CSMD1: variants seen among roughly 807,000 people sequenced by gnomAD.
CSMD1 encodes the protein CUB and sushi domain-containing protein 1.
CSMD1 carries 213 observed loss-of-function variants against 417.5 expected under a neutral mutation model. The ratio of observed to expected loss-of-function variants is 0.51; its 90% CI spans 0.46 to 0.57. The LOEUF is 0.57. Among genes scored for constraint, CSMD1 ranks in the 20% least tolerant of loss-of-function variants. CSMD1 has a pLI of 0.00. For missense variants in CSMD1, 6,923 were observed against 4,529.7 expected, an observed-to-expected ratio of 1.53 and a Z score of -15.17; for synonymous variants, 2,862 against 1,736.8, an observed-to-expected ratio of 1.65 and a Z score of -16.11.
At position 4,037,933 on chromosome 8, in the gene CSMD1, T is replaced by G. The variant is rs537324501; in HGVS notation, c.416-5834A>C. Among the ~76,000 whole-genome samples the G allele has an allele frequency of 4.6e-5, 7 of 152,258 alleles. No homozygotes were observed. The East Asian group carries it at 1.2e-3, about 25-fold the overall frequency. On this transcript the variant is annotated intron_variant, in intron 3 of 69. Transcript: ENST00000635120. ...TTAGTGGGAATAGGAAAAAAAGTTT[T>G]TCAAAATTCAGTTGGACAAAATGTT...
At chr8:4,849,985 C>T (rs1331333282) in intron 1 of CSMD1, among the ~76,000 whole-genome samples, 1 of 152,138 alleles carries the variant, frequency 6.6e-6, no homozygotes, top group Non-Finnish European at 1.5e-5. Context: ...TTTTTCCATT[C>T]CCACCAGCAG....
rs117280699 is a variant in CSMD1 at position 4,243,406 on chromosome 8, C to G, written c.415+176547G>C. ...TGACTTGGAGAGAATGACTCATCCTCTACTGACCACTTTGCTCCTTGTTCC... is the reference window on the plus strand; with the variant it reads ...TGACTTGGAGAGAATGACTCATCCTGTACTGACCACTTTGCTCCTTGTTCC... On this transcript the variant is annotated intron_variant, in intron 3 of 69. Coordinates refer to ENST00000635120, the MANE Select transcript of CSMD1 (RefSeq NM_033225.6). 4.3e-4 allele frequency among the ~76,000 whole-genome samples: 65 copies of G among 152,280 alleles called. No homozygotes were observed. The East Asian group carries it at 0.011, about 27-fold the overall frequency.
rs141733365 is a variant in CSMD1 at position 4,461,720 on chromosome 8, T to A, written c.303-41655A>T. ...CAAACACCACCATAGCCAGCTCATCTTATTTATTATTTATTTACTTATTTT... is the reference window on the plus strand; with the variant it reads ...CAAACACCACCATAGCCAGCTCATCATATTTATTATTTATTTACTTATTTT... On this transcript the variant is annotated intron_variant, in intron 2 of 69. Transcript: ENST00000635120. Among the ~76,000 whole-genome samples the A allele has an allele frequency of 4.9e-5, 7 of 142,610 alleles. No homozygotes were observed. The East Asian group carries it at 1.5e-3, about 31-fold the overall frequency. The allele number at this position is 142,610 out of a possible 152,430, so 93.6% of individuals were successfully genotyped here. A position where few individuals can be genotyped will look rare whatever the true frequency, so the allele number is the denominator to read the frequency against.
At chr8:4,330,743 A>G (rs1350356490) in intron 3 of CSMD1, among the ~76,000 whole-genome samples, 1 of 152,076 alleles carries the variant, frequency 6.6e-6, no homozygotes. Context: ...ACTTATCTGC[A>G]TTCCTGTCTT....
chr8:2,970,278 T>C (rs1224298324), intron 57 of CSMD1, among the ~76,000 whole-genome samples: 2 of 152,194 alleles, frequency 1.3e-5, no homozygotes, highest in Non-Finnish European at 2.9e-5. Context: ...GTTATAATTT[T>C]GTTCATCTTT....
intron 10 of CSMD1, among the ~76,000 whole-genome samples, chr8:3,539,881 A>T (rs909854372): frequency 1.6e-4 from 25 of 152,234 alleles, no homozygotes; most frequent in African/African-American, 4.6e-4. Context: ...ACGAACTTAG[A>T]AAACGGCTTC....
chr8:4,844,621 T>C (rs901779798), intron 1 of CSMD1, among the ~76,000 whole-genome samples: 1 of 152,164 alleles, frequency 6.6e-6, no homozygotes, highest in African/African-American at 2.4e-5. Flanking sequence ...TTAATAAGCG[T>C]CTTTTCTAAA....
chr8:4,546,162 T>C lies in CSMD1; in HGVS notation c.302+91180A>G, dbSNP rs188080719. On this transcript the variant is annotated intron_variant, in intron 2 of 69. Coordinates refer to ENST00000635120, the MANE Select transcript of CSMD1 (RefSeq NM_033225.6). ...TTCTAGAATCAAAATCCAATGAACA[T>C]TTTTCAGTTTATTATGTCCTTGTTA... 1.0e-3 allele frequency among the ~76,000 whole-genome samples: 157 copies of C among 152,304 alleles called. 1 individual carries two copies. The highest frequency in any genetic ancestry group is 6.8e-3 in the Middle Eastern group (2 of 294).
intron 52 of CSMD1, among the ~76,000 whole-genome samples, chr8:3,006,434 T>C (rs1424581877): frequency 6.6e-6 from 1 of 151,484 alleles, no homozygotes; most frequent in Non-Finnish European, 1.5e-5. Context: ...TTAAAGTTCA[T>C]ATGGAACCAA....
chr8:2,962,818 G>A (rs185153505), intron 60 of CSMD1, among the ~76,000 whole-genome samples, 179 bp from the exon 61 acceptor site: 233 of 152,320 alleles, frequency 1.5e-3, no homozygotes, highest in African/African-American at 5.4e-3. Context: ...GGAGGCAGAG[G>A]CAGGCGGATC....
chr8:3,272,716 G>C (rs1490307186), intron 26 of CSMD1, among the ~76,000 whole-genome samples: 1 of 145,532 alleles, frequency 6.9e-6, no homozygotes, highest in Non-Finnish European at 1.5e-5. Flanking sequence ...GTTCACTCCT[G>C]ATTTGGCTCT....
At chr8:3,221,367 G>A (rs1420207784) in intron 28 of CSMD1, among the ~76,000 whole-genome samples, 1 of 152,186 alleles carries the variant, frequency 6.6e-6, no homozygotes, top group East Asian at 1.9e-4. Flanking sequence ...GCGCTAGCAG[G>A]AATGGTGTGG....
chr8:3,219,755 G>A (rs1054459317), intron 28 of CSMD1, among the ~76,000 whole-genome samples: 4 of 152,036 alleles, frequency 2.6e-5, no homozygotes, highest in Non-Finnish European at 4.4e-5. Flanking sequence ...TCATTAATTT[G>A]CTAAATGAGA....
chr8:4,156,909 C>G (rs539543250), intron 3 of CSMD1, among the ~76,000 whole-genome samples: 1 of 152,276 alleles, frequency 6.6e-6, no homozygotes, highest in East Asian at 1.9e-4. Context: ...TTTCTTACCT[C>G]TCCGGACATT....
intron 3 of CSMD1, among the ~76,000 whole-genome samples, chr8:4,310,692 C>T (rs547486093): frequency 2.6e-5 from 4 of 152,150 alleles, no homozygotes; most frequent in African/African-American, 9.6e-5. Context: ...GACACAACAA[C>T]CATAGAACCT....
chr8:4,847,291 G>A (rs566784771), intron 1 of CSMD1, among the ~76,000 whole-genome samples: 1 of 152,158 alleles, frequency 6.6e-6, no homozygotes, highest in Non-Finnish European at 1.5e-5. Context: ...AAGATTTTAA[G>A]AGAATTGGCA....
intron 3 of CSMD1, among the ~76,000 whole-genome samples, chr8:4,119,803 C>T (rs10441631): frequency 0.99 from 150,695 of 152,326 alleles, 74,564 homozygotes; most frequent in East Asian, 1. Context: ...AAACGTTCTA[C>T]GATGCAATTT....
At chr8:3,453,038 A>T (rs891039109) in intron 12 of CSMD1, among the ~76,000 whole-genome samples, 3 of 152,182 alleles carry the variant, frequency 2.0e-5, no homozygotes, top group Non-Finnish European at 4.4e-5. Context: ...TTCCTGGTTT[A>T]GTCTTGGGAG....
chr8:4,412,669 T>C (rs999082367), intron 3 of CSMD1, among the ~76,000 whole-genome samples: 1 of 152,200 alleles, frequency 6.6e-6, no homozygotes, highest in Non-Finnish European at 1.5e-5. Context: ...GCTAAGATTT[T>C]CAGGGTTAAA....
Sources: gnomAD v4.1 joint callset for allele counts (sites outside exome capture counted in the v4.1 genomes callset) on GRCh38, gnomAD v4.1.1 for gene constraint, MANE v1.5 for transcripts, NCBI Gene and HGNC (gene_info 2026-07-23, HGNC 2026-07-21) for gene names.